RPAP3: variants seen among roughly 807,000 people sequenced by gnomAD.
The protein encoded by RPAP3 is RNA polymerase II associated protein 3, also known as RNA polymerase II-associated protein 3.
In RPAP3, 58 loss-of-function variants were observed where a neutral mutation model predicts 88.8. That is an observed-to-expected ratio of 0.65 (90% CI 0.53 to 0.81). RPAP3 has a LOEUF of 0.81. Ranked by LOEUF, RPAP3 falls within the 40% of genes least tolerant of loss-of-function variation. The probability of loss-of-function intolerance (pLI) is 0.00; values close to 1 mark genes in which losing one functional copy is unlikely to be tolerated. For synonymous variants in RPAP3, 255 were observed against 259.9 expected (o/e 0.98, Z 0.18); for missense variants, 751 against 764.3 (o/e 0.98, Z 0.20).
chr12:47,677,878 A>T (rs1939148311), intron 12 of RPAP3, among the ~76,000 whole-genome samples: 2 of 152,218 alleles, frequency 1.3e-5, no homozygotes, highest in Admixed American at 6.5e-5. Flanking sequence ...AACTTTCTTC[A>T]CAGAATTGGA....
At chr12:47,686,722 T>G in intron 9 of RPAP3, 58 bp downstream of exon 9, 1 of 1,323,310 alleles carries the variant, frequency 7.6e-7, no homozygotes, top group East Asian at 2.7e-5. Context: ...TGGTAAAAAT[T>G]TACCAATTTA....
chr12:47,665,746 T>G (rs1938861799), intron 16 of RPAP3, among the ~76,000 whole-genome samples: 1 of 152,002 alleles, frequency 6.6e-6, no homozygotes, highest in Admixed American at 6.6e-5. Context: ...GCTGAAACGA[T>G]TCTCCCACCT....
chr12:47,667,346 TAG>T (rs1437237301), intron 15 of RPAP3, among the ~76,000 whole-genome samples: 1 of 152,198 alleles, frequency 6.6e-6, no homozygotes, highest in Non-Finnish European at 1.5e-5. Context: ...ACAAAAAAAT[TAG>T]AGTCCTTTTT....
chr12:47,700,237 G>A (rs1939630636), intron 3 of RPAP3: 1 of 152,112 alleles, frequency 6.6e-6, no homozygotes, highest in Admixed American at 6.5e-5. Flanking sequence ...CAGTAAAAAT[G>A]TTAAACAGAA....
intron 5 of RPAP3, among the ~76,000 whole-genome samples, chr12:47,695,280 T>A (rs1358730410): frequency 6.6e-6 from 1 of 151,944 alleles, no homozygotes; most frequent in African/African-American, 2.4e-5. Flanking sequence ...AAAACAAGAA[T>A]GAATCATAAA....
intron 1 of RPAP3, among the ~76,000 whole-genome samples, chr12:47,704,336 G>A (rs1939726616): frequency 6.6e-6 from 1 of 152,084 alleles, no homozygotes. Context: ...GAAAGAAAGT[G>A]CATTATATTT....
chr12:47,668,150 G>A (rs576420468), intron 14 of RPAP3, among the ~76,000 whole-genome samples: 2 of 152,198 alleles, frequency 1.3e-5, no homozygotes, highest in Non-Finnish European at 2.9e-5. Context: ...AGCTGAGATT[G>A]CGTCATTGCA....
intron 15 of RPAP3, 85 bp downstream of exon 15, chr12:47,667,669 A>G: frequency 1.4e-6 from 1 of 713,724 alleles, no homozygotes; most frequent in East Asian, 2.7e-5. Context: ...TGTCTTAATC[A>G]TTTTAATTAA....
chr12:47,667,527 A>G (rs1236687524), intron 15 of RPAP3, among the ~76,000 whole-genome samples: 1 of 152,216 alleles, frequency 6.6e-6, no homozygotes, highest in Admixed American at 6.5e-5. Context: ...TAGCATCATA[A>G]GAGTACAGTA....
intron 12 of RPAP3, among the ~76,000 whole-genome samples, chr12:47,673,800 T>C (rs1939050538): frequency 1.3e-5 from 2 of 152,130 alleles, no homozygotes; most frequent in South Asian, 4.1e-4. Flanking sequence ...CTCTAAATTA[T>C]AATTTGTCTT....
intron 12 of RPAP3, among the ~76,000 whole-genome samples, chr12:47,677,210 A>T (rs932554594): frequency 2.0e-5 from 3 of 152,128 alleles, no homozygotes; most frequent in Non-Finnish European, 4.4e-5. Flanking sequence ...TGCTAAAAAC[A>T]CTCAATAAAC....
At chr12:47,685,534 T>C (rs530817379) in intron 9 of RPAP3, among the ~76,000 whole-genome samples, 1 of 152,320 alleles carries the variant, frequency 6.6e-6, no homozygotes, top group African/African-American at 2.4e-5. Context: ...ATAGATACTC[T>C]TGTGACAAGG....
chr12:47,685,374 G>C (rs1358286832), intron 9 of RPAP3, among the ~76,000 whole-genome samples: 18 of 104,168 alleles, frequency 1.7e-4, no homozygotes, highest in African/African-American at 5.8e-4. Context: ...GGGGGACTCT[G>C]TCTCAAAAAA....
chr12:47,679,875 A>G, intron 10 of RPAP3, 101 bp from the exon 11 acceptor site: 1 of 811,458 alleles, frequency 1.2e-6, no homozygotes, highest in Non-Finnish European at 2.0e-6. Flanking sequence ...TCACATTTTT[A>G]GCTCAAGCAG....
chr12:47,695,896 A>G (rs569445028), intron 5 of RPAP3: 2 of 154,550 alleles, frequency 1.3e-5, no homozygotes, highest in African/African-American at 4.8e-5. Context: ...ATGTTGAAAC[A>G]TATTTTAAGT....
chr12:47,705,327 T>C lies in RPAP3; in HGVS notation c.-7+625A>G, dbSNP rs74533459. Among the ~76,000 whole-genome samples the C allele has an allele frequency of 8.8e-3, 1,334 of 152,198 alleles. 23 individuals carry two copies. Among genetic ancestry groups the C allele is most frequent in the African/African-American group, 0.03 (1,243 of 41,498 alleles). On this transcript the variant is annotated intron_variant, in intron 1 of 16. Coordinates refer to ENST00000005386, the MANE Select transcript of RPAP3 (RefSeq NM_024604.3). ...TCGTAGCCTCAACAACTAAATTAGG[T>C]TTAAGCTTCTTTCAGGCAGTGTCCA...
intron 12 of RPAP3, among the ~76,000 whole-genome samples, chr12:47,672,294 T>C (rs188899021): frequency 6.6e-5 from 10 of 152,284 alleles, no homozygotes; most frequent in Admixed American, 4.6e-4. Context: ...AGCCTTTCAT[T>C]TCAATAATCC....
intron 9 of RPAP3, among the ~76,000 whole-genome samples, chr12:47,682,998 T>C (rs1939255331): frequency 1.3e-5 from 2 of 152,318 alleles, no homozygotes; most frequent in African/African-American, 4.8e-5. Context: ...TCTCTGCCAC[T>C]GTCCCCTGCA....
At chr12:47,674,768 T>C (rs992033880) in intron 12 of RPAP3, among the ~76,000 whole-genome samples, 2 of 152,180 alleles carry the variant, frequency 1.3e-5, no homozygotes, top group African/African-American at 4.8e-5. Context: ...AATTTACGAT[T>C]GATTGGTGTA....
Sources: allele counts gnomAD v4.1 joint callset (sites outside exome capture counted in the v4.1 genomes callset), GRCh38; gene constraint gnomAD v4.1.1; transcripts MANE v1.5; gene names NCBI Gene and HGNC (gene_info 2026-07-23, HGNC 2026-07-21).